Variants in TCERG1L observed in about 807,000 individuals in gnomAD.
The protein encoded by TCERG1L is transcription elongation regulator 1-like protein.
In TCERG1L, 37 loss-of-function variants were observed where a neutral mutation model predicts 56.3. That is an observed-to-expected ratio of 0.66 (90% CI 0.51 to 0.87). The LOEUF is 0.87. TCERG1L is among the 40% of genes least tolerant of loss of function. TCERG1L has a pLI of 0.00. For missense variants in TCERG1L, 799 were observed against 774.2 expected (o/e 1.03, Z -0.38); for synonymous variants, 324 against 326.3 (o/e 0.99, Z 0.08).
intron 3 of TCERG1L, among the ~76,000 whole-genome samples, chr10:131,264,399 T>G (rs1373405580): frequency 2.0e-5 from 3 of 152,100 alleles, no homozygotes; most frequent in Non-Finnish European, 4.4e-5. Context: ...CTCTATAGGG[T>G]GTGATACGGG....
intron 11 of TCERG1L, among the ~76,000 whole-genome samples, chr10:131,094,027 G>A (rs11017714): frequency 0.13 from 19,907 of 152,300 alleles, 1,610 homozygotes; most frequent in Non-Finnish European, 0.18. Context: ...GTGGTGCCCC[G>A]TAAGAAAATG....
chr10:131,281,394 C>A (rs963146739), intron 3 of TCERG1L, among the ~76,000 whole-genome samples: 13 of 151,764 alleles, frequency 8.6e-5, no homozygotes, highest in Non-Finnish European at 1.6e-4. Flanking sequence ...GATTCAAGGT[C>A]CATCTCCAAA....
intron 4 of TCERG1L, among the ~76,000 whole-genome samples, chr10:131,245,131 T>C (rs775608923): frequency 5.9e-5 from 9 of 152,154 alleles, no homozygotes; most frequent in Non-Finnish European, 1.0e-4. Context: ...GGGAGCCTGG[T>C]GGGATCTTTT....
intron 4 of TCERG1L, among the ~76,000 whole-genome samples, chr10:131,195,876 G>A (rs1222722969): frequency 6.6e-6 from 1 of 152,224 alleles, no homozygotes; most frequent in Non-Finnish European, 1.5e-5. Context: ...TCCACACAAG[G>A]CGAGGCAAGC....
chr10:131,276,332 C>T (rs1294296042), intron 3 of TCERG1L, among the ~76,000 whole-genome samples: 1 of 152,226 alleles, frequency 6.6e-6, no homozygotes, highest in Non-Finnish European at 1.5e-5. Flanking sequence ...TCCCAACCAG[C>T]AGCCCAAGGC....
Position 131,278,338 on chromosome 10 carries a change from CTTT to C in TCERG1L, c.671-17897_671-17895del, listed in dbSNP as rs755934156. ...TGAGCTACATCGTCTTTTCTTTTTT[CTTT>C]TTTTTTTTTTTTTTGAGACAGAGTC... On this transcript the variant is annotated intron_variant, in intron 3 of 11. Transcript: ENST00000368642. Among the ~76,000 whole-genome samples, 820 of 137,042 alleles carry C rather than the reference CTTT, an allele frequency of 6.0e-3. 2 individuals carry two copies. The highest frequency in any genetic ancestry group is 8.4e-3 in the Non-Finnish European group (529 of 62,960). 89.9% of individuals were successfully genotyped at this position (137,042 alleles called of 152,430 possible). A position where few individuals can be genotyped will look rare whatever the true frequency, so the allele number is the denominator to read the frequency against.
At position 131,103,831 on chromosome 10, in the gene TCERG1L, G is replaced by C. The variant is rs1845325920; in HGVS notation, c.1485+434C>G. On this transcript the variant is annotated intron_variant, in intron 10 of 11. Transcript: ENST00000368642. The surrounding 1 kb of genome is among the most constrained non-coding windows in gnomAD (Gnocchi z 4.3). ...GGCCTTCCTCCATTCTATTTGTTAG[G>C]GGTTTCTTAACATTAGTGACTTCAT... Among the ~76,000 whole-genome samples the C allele has an allele frequency of 6.6e-6, 1 of 151,964 alleles. No individual in the cohort carries two copies. The highest frequency in any genetic ancestry group is 1.5e-5 in the Non-Finnish European group (1 of 68,006).
intron 3 of TCERG1L, among the ~76,000 whole-genome samples, chr10:131,285,526 G>GAAAGAAAGAAAGAA (rs1564833952): frequency 8.9e-5 from 2 of 22,540 alleles, no homozygotes; most frequent in Non-Finnish European, 1.9e-4. Context: ...GAAAGAAAGA[G>GAAAGAAAGAAAGAA]AGAAAGAAAA....
chr10:131,301,135 T>G (rs1283042955), intron 3 of TCERG1L, among the ~76,000 whole-genome samples: 2 of 152,056 alleles, frequency 1.3e-5, no homozygotes, highest in Non-Finnish European at 2.9e-5. Flanking sequence ...TGCTTTTTAC[T>G]CAGCACTTGC....
chr10:131,227,599 G>A (rs574203493), intron 4 of TCERG1L, among the ~76,000 whole-genome samples: 12 of 152,292 alleles, frequency 7.9e-5, no homozygotes, highest in South Asian at 2.1e-4. Context: ...CATCCACATC[G>A]GCCCGACCCT....
intron 3 of TCERG1L, among the ~76,000 whole-genome samples, chr10:131,301,875 T>C (rs904072294): frequency 6.6e-6 from 1 of 152,234 alleles, no homozygotes; most frequent in Admixed American, 6.5e-5. Context: ...ATAAAGATGC[T>C]AAACTTCGTT....
chr10:131,217,059 C>T (rs959118186), intron 4 of TCERG1L, among the ~76,000 whole-genome samples: 3 of 152,158 alleles, frequency 2.0e-5, no homozygotes, highest in Admixed American at 6.5e-5. Flanking sequence ...GGGTGGTGGA[C>T]GCAGTAGAAC....
intron 8 of TCERG1L, among the ~76,000 whole-genome samples, chr10:131,125,610 T>C (rs1195343843): frequency 6.6e-6 from 1 of 152,254 alleles, no homozygotes; most frequent in Non-Finnish European, 1.5e-5. Flanking sequence ...AACGTGCCTC[T>C]GGCAGCTATA....
chr10:131,212,211 A>G (rs1235928326), intron 4 of TCERG1L, among the ~76,000 whole-genome samples: 2 of 152,112 alleles, frequency 1.3e-5, no homozygotes, highest in Non-Finnish European at 2.9e-5. Flanking sequence ...CTCAACTCAG[A>G]CTCAGACCCA....
At position 131,308,324 on chromosome 10, in the gene TCERG1L, T is replaced by A. The variant is rs746534661; in HGVS notation, c.557A>T (p.His186Leu). ...CAGCAAACGAGGCTTTTCATGCCCA[T>A]GGAAAAACCTTGACTCCTCAGGATG... ...WIHPEESRFFHGHEKPRLLAN... is the reference protein window; with the variant it reads ...WIHPEESRFFLGHEKPRLLAN... The change falls in exon 3 of 12, where the codon CAT becomes CTT. Residue 186 changes from histidine to leucine, a missense_variant. Physicochemically the swap from His to Leu is moderately conservative, Grantham distance 99. Transcript: ENST00000368642. The A allele has an allele frequency of 3.1e-6, 5 of 1,613,906 alleles. No individual in the cohort carries two copies. The highest frequency in any genetic ancestry group is 4.2e-6 in the Non-Finnish European group (5 of 1,179,876).
At chr10:131,139,939 G>A (rs1465438095) in intron 7 of TCERG1L, among the ~76,000 whole-genome samples, 2 of 152,108 alleles carry the variant, frequency 1.3e-5, no homozygotes, top group African/African-American at 2.4e-5. Flanking sequence ...GGCTGCATCA[G>A]GTAGTAAAAG....
At chr10:131,214,015 A>C (rs146504659) in intron 4 of TCERG1L, among the ~76,000 whole-genome samples, 1 of 149,714 alleles carries the variant, frequency 6.7e-6, no homozygotes, top group Non-Finnish European at 1.5e-5. Flanking sequence ...CAGGGATACA[A>C]ACATGCTTTT....
intron 4 of TCERG1L, among the ~76,000 whole-genome samples, chr10:131,170,607 G>T (rs990878333): frequency 6.6e-5 from 10 of 152,094 alleles, no homozygotes; most frequent in Admixed American, 3.9e-4. Context: ...AAGTCTGGAA[G>T]GAAGCAAAAA....
At position 131,183,699 on chromosome 10, in the gene TCERG1L, C is replaced by A. The variant is rs573097680; in HGVS notation, c.857-16814G>T. ...CCCATGCCCCGCCACTGACTCCCCC[C>A]TCATCTGAGCTCAGGGCCCAGGCTC... On this transcript the variant is annotated intron_variant, in intron 4 of 11. Transcript: ENST00000368642. Among the ~76,000 whole-genome samples the A allele has an allele frequency of 5.6e-4, 86 of 152,360 alleles. 1 individual carries two copies. Among genetic ancestry groups the A allele is most frequent in the South Asian group, 2.9e-3 (14 of 4,828 alleles).
Sources: allele counts gnomAD v4.1 joint callset (sites outside exome capture counted in the v4.1 genomes callset), GRCh38; gene constraint gnomAD v4.1.1; non-coding constraint Gnocchi (gnomAD v3.1); transcripts MANE v1.5; gene names NCBI Gene and HGNC (gene_info 2026-07-23, HGNC 2026-07-21).